CDH4: variants seen among roughly 807,000 people sequenced by gnomAD.
CDH4 encodes cadherin-4.
CDH4 carries 33 observed loss-of-function variants against 86.0 expected under a neutral mutation model. The observed-to-expected ratio is 0.38, with a 90% confidence interval of 0.29 to 0.51. CDH4 has a LOEUF of 0.51. Among genes scored for constraint, CDH4 ranks in the 20% least tolerant of loss-of-function variants. The pLI is 0.86. For synonymous variants in CDH4, 555 were observed against 549.4 expected, an observed-to-expected ratio of 1.01 and a Z score of -0.14; for missense variants, 1,114 against 1,307.4, an observed-to-expected ratio of 0.85 and a Z score of 2.28.
rs145066783 is a variant in CDH4 at position 61,360,356 on chromosome 20, C to T, written c.169+105419C>T. Among the ~76,000 whole-genome samples, 5 of 152,170 alleles carry T rather than the reference C, an allele frequency of 3.3e-5. No individual in the cohort carries two copies. The South Asian group carries it at 1.0e-3, about 31-fold the overall frequency. ...GGTGCCTATTGGGGCTGGTGTGTGC[C>T]CTCGGAGCAGGGCAGAAGAACATTG... On this transcript the variant is annotated intron_variant, in intron 2 of 15. Coordinates refer to ENST00000614565, the MANE Select transcript of CDH4 (RefSeq NM_001794.5).
At chr20:61,907,698 C>T (rs904446628) in intron 8 of CDH4, among the ~76,000 whole-genome samples, 2 of 152,174 alleles carry the variant, frequency 1.3e-5, no homozygotes, top group South Asian at 2.1e-4. Flanking sequence ...GCCAGGTCAG[C>T]GTCTCCAGGC....
intron 2 of CDH4, among the ~76,000 whole-genome samples, chr20:61,284,814 T>C (rs2084284207): frequency 1.3e-5 from 2 of 152,222 alleles, no homozygotes; most frequent in African/African-American, 4.8e-5. Flanking sequence ...AAAGGCCAGA[T>C]AGTCATTATT....
rs372888921 is a variant in CDH4, at chr20:61,383,315, ATG to A, written c.169+128381_169+128382del. The stretch of plus-strand genomic sequence containing the variant: ...GAATATATGTGATATATATGAATAT[ATG>A]TGATATATATGAATATATGTGATAT... On this transcript the variant is annotated intron_variant, in intron 2 of 15. Coordinates refer to ENST00000614565, the MANE Select transcript of CDH4 (RefSeq NM_001794.5). Among the ~76,000 whole-genome samples, 4 of 80,466 alleles carry A rather than the reference ATG, an allele frequency of 5.0e-5. 1 individual carries two copies. Among genetic ancestry groups the A allele is most frequent in the East Asian group, 2.8e-4 (1 of 3,578 alleles). The allele number at this position is 80,466 out of a possible 152,430, so 52.8% of individuals were successfully genotyped here. A position where few individuals can be genotyped will look rare whatever the true frequency, so the allele number is the denominator to read the frequency against.
intron 2 of CDH4, among the ~76,000 whole-genome samples, chr20:61,395,084 A>T (rs1436334799): frequency 2.0e-5 from 3 of 151,484 alleles, no homozygotes; most frequent in African/African-American, 7.3e-5. Flanking sequence ...AGGACAGGAC[A>T]CTGGGCAGGA....
intron 3 of CDH4, among the ~76,000 whole-genome samples, chr20:61,759,041 G>T (rs929490789): frequency 6.6e-6 from 1 of 152,176 alleles, no homozygotes; most frequent in African/African-American, 2.4e-5. Flanking sequence ...GTGTGCGTTC[G>T]CACATGGGAT....
intron 2 of CDH4, among the ~76,000 whole-genome samples, chr20:61,590,753 G>C (rs771842049): frequency 1.3e-5 from 2 of 152,108 alleles, no homozygotes; most frequent in Admixed American, 6.5e-5. Context: ...CTTCACCTTC[G>C]TGATGGTGTT....
chr20:61,656,820 C>T (rs2087197316), intron 2 of CDH4, among the ~76,000 whole-genome samples: 1 of 152,188 alleles, frequency 6.6e-6, no homozygotes, highest in African/African-American at 2.4e-5. Flanking sequence ...AAGTCCTGTG[C>T]CTCAGCTGTG....
At position 61,582,072 on chromosome 20, in the gene CDH4, G is replaced by A. The variant is rs1007795497; in HGVS notation, c.170-161491G>A. 2.0e-5 allele frequency among the ~76,000 whole-genome samples: 3 copies of A among 152,318 alleles called. No homozygotes were observed. Among genetic ancestry groups the A allele is most frequent in the South Asian group, 4.1e-4 (2 of 4,832 alleles). Reference sequence around the variant, plus strand: ...GCTCCCAGCCCTCCAGCCTGGCTGCGGGTGATCCACTCCCTGTTTTACTTT... The same window carrying A: ...GCTCCCAGCCCTCCAGCCTGGCTGCAGGTGATCCACTCCCTGTTTTACTTT... On this transcript the variant is annotated intron_variant, in intron 2 of 15. Transcript: ENST00000614565. The surrounding 1 kb of genome is among the most constrained non-coding windows in gnomAD (Gnocchi z 4.2).
intron 2 of CDH4, among the ~76,000 whole-genome samples, chr20:61,608,760 G>A (rs117960458): frequency 0.012 from 1,872 of 152,310 alleles, 22 homozygotes; most frequent in African/African-American, 0.033. Context: ...GGCTGCAGGC[G>A]TCACTGCCAC....
At chr20:61,924,205 G>A in intron 10 of CDH4, 129 bp from the exon 11 acceptor site, 1 of 926,012 alleles carries the variant, frequency 1.1e-6, no homozygotes, top group Non-Finnish European at 1.6e-6. Context: ...ACAAGGCCTG[G>A]GGGGCTCCAA....
rs2085819878 is a variant in CDH4, at chr20:61,516,292, T to C, written c.170-227271T>C. On this transcript the variant is annotated intron_variant, in intron 2 of 15. Transcript: ENST00000614565. This position sits in a 1 kb window ranked among gnomAD's most constrained non-coding sequence, Gnocchi z 4.0. ...CAGGAGCAATCCATTCCTGTTCCTC[T>C]TCCTGCTCCTTCCTTACATCCCGTC... 6.6e-6 allele frequency among the ~76,000 whole-genome samples: 1 copy of C among 152,166 alleles called. No individual in the cohort carries two copies.
intron 9 of CDH4, among the ~76,000 whole-genome samples, chr20:61,912,789 T>A (rs1377249925): frequency 6.6e-6 from 1 of 152,148 alleles, no homozygotes; most frequent in Non-Finnish European, 1.5e-5. Context: ...CAAAGTCAGA[T>A]CTGTGTGCGC....
intron 5 of CDH4, among the ~76,000 whole-genome samples, chr20:61,850,814 G>C (rs763600306): frequency 7.9e-5 from 12 of 152,198 alleles, no homozygotes; most frequent in Non-Finnish European, 1.8e-4. Flanking sequence ...ATGGGCAGGG[G>C]AGATTTCTAC....
At chr20:61,394,879 C>T (rs1281744074) in intron 2 of CDH4, among the ~76,000 whole-genome samples, 4 of 137,250 alleles carry the variant, frequency 2.9e-5, no homozygotes, top group Non-Finnish European at 4.7e-5. Context: ...GGCTGTGAGC[C>T]CTCACAACCC....
At chr20:61,850,653 A>G (rs545811936) in intron 5 of CDH4, among the ~76,000 whole-genome samples, 9 of 152,334 alleles carry the variant, frequency 5.9e-5, no homozygotes, top group African/African-American at 1.9e-4. Context: ...CCTATTCAAG[A>G]TGTTGCAGGA....
intron 2 of CDH4, among the ~76,000 whole-genome samples, chr20:61,335,191 G>A (rs1055510708): frequency 1.3e-5 from 2 of 152,194 alleles, no homozygotes; most frequent in Admixed American, 1.3e-4. Flanking sequence ...TGGCCCAGCC[G>A]ATCTGGGATG....
chr20:61,258,803 C>T (rs759977672), intron 2 of CDH4, among the ~76,000 whole-genome samples: 8 of 152,212 alleles, frequency 5.3e-5, no homozygotes, highest in Non-Finnish European at 1.0e-4. Context: ...TGGTTCCAGT[C>T]GTTGCTTCTG....
At chr20:61,673,276 C>T (rs949692425) in intron 2 of CDH4, among the ~76,000 whole-genome samples, 5 of 152,168 alleles carry the variant, frequency 3.3e-5, no homozygotes, top group African/African-American at 1.2e-4. Context: ...CTCAGGACTT[C>T]GGAGCCCCTG....
intron 2 of CDH4, among the ~76,000 whole-genome samples, chr20:61,271,090 A>G (rs1218778253): frequency 1.3e-5 from 2 of 152,154 alleles, no homozygotes; most frequent in African/African-American, 4.8e-5. Flanking sequence ...TGACATTAGA[A>G]TGGGTCTGTC....
Sources: gnomAD v4.1 joint callset for allele counts (sites outside exome capture counted in the v4.1 genomes callset) on GRCh38, gnomAD v4.1.1 for gene constraint, Gnocchi (gnomAD v3.1) non-coding constraint, MANE v1.5 for transcripts, NCBI Gene and HGNC (gene_info 2026-07-23, HGNC 2026-07-21) for gene names.